Variants in GABBR2 observed in about 807,000 individuals in gnomAD.
GABBR2 encodes gamma-aminobutyric acid type B receptor subunit 2, also known as G-protein coupled receptor 51.
A neutral mutation model predicts 105.6 loss-of-function variants in GABBR2; 23 were observed. The ratio of observed to expected loss-of-function variants is 0.22; its 90% CI spans 0.16 to 0.31. The LOEUF (loss-of-function observed/expected upper bound fraction) is 0.31. GABBR2 is among the 10% of genes least tolerant of loss of function. The pLI is 1.00. For synonymous variants in GABBR2, 478 were observed against 499.7 expected, an observed-to-expected ratio of 0.96 and a Z score of 0.58; for missense variants, 734 against 1,245.5, an observed-to-expected ratio of 0.59 and a Z score of 6.18.
At chr9:98,536,239 A>T (rs1248041331) in intron 3 of GABBR2, among the ~76,000 whole-genome samples, 2 of 152,202 alleles carry the variant, frequency 1.3e-5, no homozygotes, top group African/African-American at 4.8e-5. Context: ...GTCAAAGGCC[A>T]GGTCTCCATA....
chr9:98,603,192 C>T (rs750084711), intron 1 of GABBR2, among the ~76,000 whole-genome samples: 1 of 152,222 alleles, frequency 6.6e-6, no homozygotes, highest in Non-Finnish European at 1.5e-5. Flanking sequence ...CACCTCATTT[C>T]ATTTGCCAAG....
At chr9:98,581,365 G>A (rs1829000943) in intron 1 of GABBR2, among the ~76,000 whole-genome samples, 1 of 152,042 alleles carries the variant, frequency 6.6e-6, no homozygotes, top group African/African-American at 2.4e-5. Flanking sequence ...TCAACATCAG[G>A]GTAGGGAGTT....
At chr9:98,401,056 C>T (rs886657126) in intron 8 of GABBR2, among the ~76,000 whole-genome samples, 3 of 150,832 alleles carry the variant, frequency 2.0e-5, no homozygotes, top group African/African-American at 4.8e-5. Context: ...TCTGGGGTCA[C>T]TGTTAAGAGT....
intron 1 of GABBR2, among the ~76,000 whole-genome samples, chr9:98,702,010 A>C (rs1293813991): frequency 6.6e-6 from 1 of 152,130 alleles, no homozygotes; most frequent in Non-Finnish European, 1.5e-5. Flanking sequence ...CACCTGGATC[A>C]TCTCATTTGT....
chr9:98,674,095 T>A (rs73489952), intron 1 of GABBR2, among the ~76,000 whole-genome samples: 3,150 of 152,104 alleles, frequency 0.021, 99 homozygotes, highest in African/African-American at 0.071. Flanking sequence ...CATCATCATC[T>A]AGAGAGGGAA....
Position 98,290,261 on chromosome 9 carries a change from G to GT in GABBR2, c.*322dup, listed in dbSNP as rs113020513. ...GTTCTAGTGCCTCTCTCCTTGTCTA[G>GT]TTTTTTTGTTTTTTTTTTTTTTTTT... On this transcript the variant is annotated 3_prime_UTR_variant, in exon 19 of 19. Transcript: ENST00000259455. 0.21 allele frequency: 25,107 copies of GT among 122,428 alleles called. 6,691 individuals carry two copies. Among genetic ancestry groups the GT allele is most frequent in the African/African-American group, 0.62 (21,965 of 35,178 alleles). The allele number at this position is 122,428 out of a possible 1,614,324, so 7.6% of individuals were successfully genotyped here. A position where few individuals can be genotyped will look rare whatever the true frequency, so the allele number is the denominator to read the frequency against.
chr9:98,638,086 A>G (rs1317137206), intron 1 of GABBR2, among the ~76,000 whole-genome samples: 2 of 152,248 alleles, frequency 1.3e-5, no homozygotes, highest in Non-Finnish European at 2.9e-5. Flanking sequence ...CCTGGATTCA[A>G]ATCCAGTTCT....
chr9:98,304,997 T>A (rs1156568592), intron 15 of GABBR2, among the ~76,000 whole-genome samples: 1 of 152,118 alleles, frequency 6.6e-6, no homozygotes, highest in East Asian at 1.9e-4. Context: ...GGTCTTGAAC[T>A]CCTAGCCTCA....
At chr9:98,687,530 C>T (rs76019971) in intron 1 of GABBR2, among the ~76,000 whole-genome samples, 1 of 152,264 alleles carries the variant, frequency 6.6e-6, no homozygotes, top group East Asian at 1.9e-4. Context: ...ATCAGAGGAG[C>T]CTGACTAAAG....
intron 1 of GABBR2, among the ~76,000 whole-genome samples, chr9:98,640,412 T>C (rs12115721): frequency 0.017 from 2,604 of 152,212 alleles, 77 homozygotes; most frequent in African/African-American, 0.059. Context: ...GCTGGTGGCA[T>C]ACAGGGGCAG....
At chr9:98,473,405 C>T in intron 5 of GABBR2, 59 bp from the exon 6 acceptor site, 1 of 1,125,098 alleles carries the variant, frequency 8.9e-7, no homozygotes, top group Non-Finnish European at 1.3e-6. Flanking sequence ...AGGCTCTGTG[C>T]CCTGGAAGAC....
chr9:98,627,538 G>A (rs1829756333), intron 1 of GABBR2, among the ~76,000 whole-genome samples: 1 of 152,256 alleles, frequency 6.6e-6, no homozygotes, highest in Non-Finnish European at 1.5e-5. Context: ...ACTCGGGTCT[G>A]TTAGTCTCAT....
chr9:98,347,776 G>T lies in GABBR2; in HGVS notation c.1893+14939C>A, dbSNP rs77336322. On this transcript the variant is annotated intron_variant, in intron 13 of 18. Coordinates refer to ENST00000259455, the MANE Select transcript of GABBR2 (RefSeq NM_005458.8). ...ATGGTGAGAAATAGGGGTTGATATG[G>T]TTTGGTTCTGTGTCCCCACCCAAAT... Among the ~76,000 whole-genome samples, 28 of 152,132 alleles carry T rather than the reference G, an allele frequency of 1.8e-4. No individual in the cohort carries two copies. In the East Asian group the frequency reaches 5.2e-3, roughly 28 times the overall value.
intron 1 of GABBR2, among the ~76,000 whole-genome samples, chr9:98,642,237 C>T (rs758307118): frequency 6.6e-6 from 1 of 152,186 alleles, no homozygotes; most frequent in Non-Finnish European, 1.5e-5. Context: ...GGGAACCCCA[C>T]GCTTCCTCCT....
chr9:98,599,107 G>C (rs1342885594), intron 1 of GABBR2, among the ~76,000 whole-genome samples: 1 of 152,150 alleles, frequency 6.6e-6, no homozygotes, highest in African/African-American at 2.4e-5. Flanking sequence ...GGCAGAGAAG[G>C]CCTCATTCCT....
chr9:98,607,231 T>C, intron 1 of GABBR2: 3 of 1,437,912 alleles, frequency 2.1e-6, no homozygotes, highest in East Asian at 2.3e-5. Context: ...ATCGACTACA[T>C]TGATAATAAA....
At chr9:98,339,080 A>G (rs1376200142) in intron 13 of GABBR2, among the ~76,000 whole-genome samples, 1 of 152,178 alleles carries the variant, frequency 6.6e-6, no homozygotes, top group Non-Finnish European at 1.5e-5. Context: ...ACAAATCCAT[A>G]AAGGCTGAAA....
intron 7 of GABBR2, among the ~76,000 whole-genome samples, chr9:98,419,857 C>T (rs1832751689): frequency 6.6e-6 from 1 of 152,126 alleles, no homozygotes; most frequent in African/African-American, 2.4e-5. Context: ...AGGAAGTGGT[C>T]CAATTCCCGA....
intron 1 of GABBR2, among the ~76,000 whole-genome samples, chr9:98,664,946 T>C (rs1337042744): frequency 6.6e-6 from 1 of 151,794 alleles, no homozygotes; most frequent in Non-Finnish European, 1.5e-5. Context: ...GGCAACATAG[T>C]GAGACCCCCA....
Sources: allele counts gnomAD v4.1 joint callset (sites outside exome capture counted in the v4.1 genomes callset), GRCh38; gene constraint gnomAD v4.1.1; transcripts MANE v1.5; gene names NCBI Gene and HGNC (gene_info 2026-07-23, HGNC 2026-07-21).